The following CC2D1A variants were observed in gnomAD, a reference collection of about 807,000 sequenced individuals.
CC2D1A encodes coiled-coil and C2 domain-containing protein 1A.
In CC2D1A, 68 loss-of-function variants were observed where a neutral mutation model predicts 123.8. The ratio of observed to expected loss-of-function variants is 0.55; its 90% CI spans 0.45 to 0.67. The LOEUF (loss-of-function observed/expected upper bound fraction) is 0.67. CC2D1A is among the 30% of genes least tolerant of loss of function. CC2D1A has a pLI of 0.00. For synonymous variants in CC2D1A, 477 were observed against 528.0 expected, an observed-to-expected ratio of 0.90 and a Z score of 1.32; for missense variants, 1,185 against 1,290.3, an observed-to-expected ratio of 0.92 and a Z score of 1.25.
chr19:13,921,548 T>C (rs1171323375), intron 14 of CC2D1A, among the ~76,000 whole-genome samples: 1 of 151,904 alleles, frequency 6.6e-6, no homozygotes, highest in Non-Finnish European at 1.5e-5. Context: ...TGTGATAGAA[T>C]AGTACTCATA....
rs771209050 is a variant in CC2D1A, at chr19:13,913,218, G to T, written c.429G>T (p.Arg143Ser). ...HPGLETTLQE[R>S]LALYQTAIES... ...GGCTGGAGACCACCTTGCAGGAGAG[G>T]CTGGCGCTCTATCAGACAGCAATTG... The change falls in exon 5 of 29, where the codon AGG becomes AGT. Residue 143 changes from arginine to serine, a missense_variant. Physicochemically the swap from Arg to Ser is moderately radical, Grantham distance 110. Transcript: ENST00000318003. 3.7e-6 allele frequency: 6 copies of T among 1,613,418 alleles called. No individual in the cohort carries two copies. In the South Asian group the frequency reaches 6.6e-5, roughly 18 times the overall value.
chr19:13,930,099 G>T lies in CC2D1A; in HGVS notation c.2732G>T (p.Arg911Leu). ...IRREYAAQLE[R>L]QLQFYTEAAR... ...TCAGAATACGCAGCCCAGCTGGAGCGGCAGCTGCAGTTCTACACGGAGGCT... is the reference window on the plus strand; with the variant it reads ...TCAGAATACGCAGCCCAGCTGGAGCTGCAGCTGCAGTTCTACACGGAGGCT... The change falls in exon 27 of 29, where the codon CGG becomes CTG. Residue 911 changes from arginine (R) to leucine (L), a missense_variant. Transcript: ENST00000318003. This position sits in a 1 kb window ranked among gnomAD's most constrained non-coding sequence, Gnocchi z 6.8. The T allele has an allele frequency of 1.2e-6, 2 of 1,612,000 alleles. No homozygotes were observed. Among genetic ancestry groups the T allele is most frequent in the Non-Finnish European group, 1.7e-6 (2 of 1,179,546 alleles).
chr19:13,913,417 T>G lies in CC2D1A; in HGVS notation c.527T>G (p.Leu176Arg). 1 of 1,614,032 alleles carries G rather than the reference T, an allele frequency of 6.2e-7. No homozygotes were observed. Among genetic ancestry groups the G allele is most frequent in the Non-Finnish European group, 8.5e-7 (1 of 1,179,984 alleles). The change falls in exon 6 of 29, where the codon CTG (leucine) becomes CGG (arginine). Residue 176 changes from leucine (L) to arginine (R), a missense_variant. Coordinates refer to ENST00000318003, the MANE Select transcript of CC2D1A (RefSeq NM_017721.5). ...YDRGLKTLEN[L>R]LASIRKGNAI... ...GCCTTATCTTAGACACTGGAAAACC[T>G]GCTCGCCTCCATCCGTAAGGGCAAT...
chr19:13,919,270 C>T, intron 11 of CC2D1A, 68 bp downstream of exon 11: 1 of 1,258,794 alleles, frequency 7.9e-7, no homozygotes, highest in Non-Finnish European at 1.1e-6. Context: ...CCCAGAGGCC[C>T]CGCCGCTGGC....
chr19:13,911,930 T>C (rs1414900699), intron 2 of CC2D1A, among the ~76,000 whole-genome samples: 2 of 152,116 alleles, frequency 1.3e-5, no homozygotes, highest in African/African-American at 4.8e-5. Context: ...TTAGCCAGGA[T>C]GGTCTCGATC....
At chr19:13,908,523 G>C (rs1568402011) in intron 1 of CC2D1A, among the ~76,000 whole-genome samples, 1 of 151,214 alleles carries the variant, frequency 6.6e-6, no homozygotes, top group Non-Finnish European at 1.5e-5. Flanking sequence ...CTGGAGTTTG[G>C]TGGCGCAATC....
Position 13,918,016 on chromosome 19 carries a change from C to T in CC2D1A, c.749-54C>T, listed in dbSNP as rs866810383. 32 of 1,584,432 alleles carry T rather than the reference C, an allele frequency of 2.0e-5. 1 individual carries two copies. The highest frequency in any genetic ancestry group is 4.0e-4 in the Middle Eastern group (2 of 4,966). ...ATAAATAAATAACAAATGGTTTACA[C>T]GGTGAACTTGGCCCAGGCCCTGGAG... On this transcript the variant is annotated intron_variant, in intron 6 of 28. Transcript: ENST00000318003.
At chr19:13,918,872 C>A (rs1971302280) in intron 9 of CC2D1A, 40 bp from the exon 10 acceptor site, 1 of 1,608,440 alleles carries the variant, frequency 6.2e-7, no homozygotes, top group African/African-American at 1.3e-5. Context: ...ACTGTCTACC[C>A]ATCCGTTGAC....
In CC2D1A at chr19:13,923,556, G is replaced by A. The variant is rs562277667; in HGVS notation, c.1773G>A (p.Leu591=). The A allele has an allele frequency of 5.0e-6, 8 of 1,613,966 alleles. No homozygotes were observed. The highest frequency in any genetic ancestry group is 1.3e-5 in the African/African-American group (1 of 74,934). The change falls in exon 16 of 29, where the codon CTG becomes CTA. Residue 591 remains leucine (L), a synonymous_variant. Coordinates refer to ENST00000318003, the MANE Select transcript of CC2D1A (RefSeq NM_017721.5). This position sits in a 1 kb window ranked among gnomAD's most constrained non-coding sequence, Gnocchi z 5.3. ...GCCTTCTGTTTCCCCAGATGTGCCT[G>A]AACCACTCAAACCAATTCACCCAGC... is the stretch of plus-strand genomic sequence containing the variant. ...KLIRQQHEMC[L]NHSNQFTQLG... is the part of the protein sequence containing the mutation.
At position 13,920,843 on chromosome 19, in the gene CC2D1A, A is replaced by C. The variant is rs746609739; in HGVS notation, c.1562A>C (p.Lys521Thr). The change falls in exon 14 of 29, where the codon AAG becomes ACG. Residue 521 changes from lysine (K) to threonine (T), a missense_variant. Lys to Thr is a moderately conservative substitution (Grantham distance 78). Coordinates refer to ENST00000318003, the MANE Select transcript of CC2D1A (RefSeq NM_017721.5). ...AKQKNDVEGA[K>T]MHLRQAKGLE... ...CAGAAAAACGACGTGGAGGGTGCCA[A>C]GATGCACCTGCGCCAAGCCAAGGGA... is the stretch of plus-strand genomic sequence containing the variant. 1.9e-6 allele frequency: 3 copies of C among 1,614,164 alleles called. No individual in the cohort carries two copies. In the East Asian group the frequency reaches 6.7e-5, roughly 36 times the overall value.
chr19:13,908,012 T>G (rs1300581374), intron 1 of CC2D1A, among the ~76,000 whole-genome samples: 1 of 152,130 alleles, frequency 6.6e-6, no homozygotes, highest in Non-Finnish European at 1.5e-5. Flanking sequence ...TTTTTTTGTT[T>G]GTTTGTTTTT....
chr19:13,916,496 T>C (rs1177287039), intron 6 of CC2D1A, among the ~76,000 whole-genome samples: 1 of 151,612 alleles, frequency 6.6e-6, no homozygotes. Context: ...CCTGGAAGGT[T>C]GAGGCTGAAG....
chr19:13,924,685 G>T lies in CC2D1A; in HGVS notation c.1940+874G>T, dbSNP rs766771298. ...GGGTTTCATTCAGTTGGCCAGGCTG[G>T]TCTCCTTAAATGATCCGCCTGCCTT... On this transcript the variant is annotated intron_variant, in intron 17 of 28. Coordinates refer to ENST00000318003, the MANE Select transcript of CC2D1A (RefSeq NM_017721.5). Among the ~76,000 whole-genome samples the T allele has an allele frequency of 2.6e-5, 4 of 152,252 alleles. No homozygotes were observed. In the East Asian group the frequency reaches 7.7e-4, roughly 29 times the overall value.
intron 6 of CC2D1A, among the ~76,000 whole-genome samples, chr19:13,914,452 A>C (rs953513199): frequency 2.7e-5 from 4 of 150,304 alleles, no homozygotes; most frequent in Non-Finnish European, 4.4e-5. Flanking sequence ...CTCCTGCCTC[A>C]GCCTCCTGAG....
intron 14 of CC2D1A, among the ~76,000 whole-genome samples, chr19:13,922,058 G>A (rs997887764): frequency 4.6e-5 from 7 of 152,188 alleles, no homozygotes; most frequent in African/African-American, 1.7e-4. Context: ...CTGGAATGCA[G>A]TGGCACGACC....
intron 1 of CC2D1A, among the ~76,000 whole-genome samples, chr19:13,908,705 G>A (rs1010476816): frequency 6.6e-6 from 1 of 152,112 alleles, no homozygotes; most frequent in Admixed American, 6.6e-5. Flanking sequence ...GATTACAGGC[G>A]TGAGCCACCG....
In CC2D1A at chr19:13,919,746, C is replaced by T. The variant is rs1385926799; in HGVS notation, c.1223-72C>T. ...ACTCTATAGGTGGGAGAGGAATCTG[C>T]ATCTCCACCATAATGGTGTGAGTTG... On this transcript the variant is annotated intron_variant, in intron 11 of 28. Transcript: ENST00000318003. The T allele has an allele frequency of 5.5e-6, 8 of 1,462,152 alleles. No individual in the cohort carries two copies. The Admixed American group carries it at 1.8e-4, about 33-fold the overall frequency. 90.6% of individuals were successfully genotyped at this position (1,462,152 alleles called of 1,614,324 possible).
At chr19:13,926,751 G>C in intron 19 of CC2D1A, 26 bp downstream of exon 19, 1 of 1,614,050 alleles carries the variant, frequency 6.2e-7, no homozygotes, top group South Asian at 1.1e-5. Flanking sequence ...AGGAGGGGAG[G>C]GCTGCAGCCT....
rs368544467 is a variant in CC2D1A, at chr19:13,923,853, C to T, written c.1940+42C>T. 2 of 1,476,030 alleles carry T rather than the reference C, an allele frequency of 1.4e-6. No individual in the cohort carries two copies. Among genetic ancestry groups the T allele is most frequent in the Non-Finnish European group, 1.9e-6 (2 of 1,055,696 alleles). 91.4% of individuals were successfully genotyped at this position (1,476,030 alleles called of 1,614,324 possible). A position where few individuals can be genotyped will look rare whatever the true frequency, so the allele number is the denominator to read the frequency against. On this transcript the variant is annotated intron_variant, in intron 17 of 28. Coordinates refer to ENST00000318003, the MANE Select transcript of CC2D1A (RefSeq NM_017721.5). This position sits in a 1 kb window ranked among gnomAD's most constrained non-coding sequence, Gnocchi z 5.3. ...ACGCCCCACCACGTGGCCCCAGTGGCCCTTTGGTGGCGGTGGGGCGGGTTG... is the reference window on the plus strand; with the variant it reads ...ACGCCCCACCACGTGGCCCCAGTGGTCCTTTGGTGGCGGTGGGGCGGGTTG...
Sources: gnomAD v4.1 joint callset for allele counts (sites outside exome capture counted in the v4.1 genomes callset) on GRCh38, gnomAD v4.1.1 for gene constraint, Gnocchi (gnomAD v3.1) non-coding constraint, MANE v1.5 for transcripts, NCBI Gene and HGNC (gene_info 2026-07-23, HGNC 2026-07-21) for gene names.